PTPRE: variants seen among roughly 807,000 people sequenced by gnomAD.
PTPRE encodes the protein protein tyrosine phosphatase receptor type E.
PTPRE carries 51 observed loss-of-function variants against 102.0 expected under a neutral mutation model. The ratio of observed to expected loss-of-function variants is 0.50; its 90% confidence interval spans 0.40 to 0.63. The LOEUF (loss-of-function observed/expected upper bound fraction) is 0.63, where lower values mean the gene tolerates loss of function less well. Among genes scored for constraint, PTPRE ranks in the 30% least tolerant of loss-of-function variants. The pLI is 0.00. For synonymous variants in PTPRE, 345 were observed against 348.2 expected, an observed-to-expected ratio of 0.99 and a Z score of 0.10; for missense variants, 752 against 915.1, an observed-to-expected ratio of 0.82 and a Z score of 2.30.
At chr10:128,015,151 A>G (rs1845314222) in intron 2 of PTPRE, among the ~76,000 whole-genome samples, 2 of 152,158 alleles carry the variant, frequency 1.3e-5, no homozygotes, top group South Asian at 4.1e-4. Context: ...CCACAAAAAG[A>G]CCTGTACCCA....
Position 128,070,564 on chromosome 10 carries a change from A to G in PTPRE, c.1293+114A>G. The G allele has an allele frequency of 1.4e-6, 2 of 1,385,232 alleles. No homozygotes were observed. Among genetic ancestry groups the G allele is most frequent in the Non-Finnish European group, 1.9e-6 (2 of 1,035,232 alleles). The allele number at this position is 1,385,232 out of a possible 1,614,324, so 85.8% of individuals were successfully genotyped here. Reference sequence around the variant, plus strand: ...AATCACTTGCCCCTTAACTGACCTCAGAAAAAGCAGGGGCAATACCTGAGC... The same window carrying G: ...AATCACTTGCCCCTTAACTGACCTCGGAAAAAGCAGGGGCAATACCTGAGC... On this transcript the variant is annotated intron_variant, in intron 14 of 20. Coordinates refer to ENST00000254667, the MANE Select transcript of PTPRE (RefSeq NM_006504.6). This position sits in a 1 kb window ranked among gnomAD's most constrained non-coding sequence, Gnocchi z 4.8.
chr10:128,028,547 A>G lies in PTPRE; in HGVS notation c.-7-12328A>G, dbSNP rs1302660251. On this transcript the variant is annotated intron_variant, in intron 2 of 20. Coordinates refer to ENST00000254667, the MANE Select transcript of PTPRE (RefSeq NM_006504.6). The surrounding 1 kb of genome is among the most constrained non-coding windows in gnomAD (Gnocchi z 4.5). ...CCTGGCTCAGCCCCCCAATGTGGAC[A>G]GGTTGCAGAAGGCCACTGCCTCGCT... Among the ~76,000 whole-genome samples, 2 of 152,104 alleles carry G rather than the reference A, an allele frequency of 1.3e-5. No individual in the cohort carries two copies. The highest frequency in any genetic ancestry group is 4.8e-5 in the African/African-American group (2 of 41,426).
In PTPRE at chr10:128,061,685, A is replaced by G; in HGVS notation, c.595A>G (p.Lys199Glu). 6.3e-7 allele frequency: 1 copy of G among 1,581,948 alleles called. No individual in the cohort carries two copies. The highest frequency in any genetic ancestry group is 8.6e-7 in the Non-Finnish European group (1 of 1,166,688). Residue 199 changes from lysine to glutamate, a missense_variant, in exon 9 of 21, where the codon AAA becomes GAA. This residue lies in a region of PTPRE where 636 missense variants were observed against 824.4 expected (regional missense o/e 0.77). Coordinates refer to ENST00000254667, the MANE Select transcript of PTPRE (RefSeq NM_006504.6). ...YINASYIDGY[K>E]EKNKFIAAQG... ...CTGATGTTATTTTTTCTAGGGTTACAAAGAGAAGAATAAATTCATAGCAGC... is the reference window on the plus strand; with the variant it reads ...CTGATGTTATTTTTTCTAGGGTTACGAAGAGAAGAATAAATTCATAGCAGC...
chr10:127,943,214 A>G (rs1848375783), intron 1 of PTPRE, among the ~76,000 whole-genome samples: 1 of 152,156 alleles, frequency 6.6e-6, no homozygotes, highest in Non-Finnish European at 1.5e-5. Flanking sequence ...CTTTTCATAA[A>G]TTTGTTTTTC....
chr10:127,986,001 G>A (rs1852057964), intron 2 of PTPRE, among the ~76,000 whole-genome samples: 1 of 152,038 alleles, frequency 6.6e-6, no homozygotes, highest in Non-Finnish European at 1.5e-5. Context: ...TGAGGCATGA[G>A]AATTGCTTAA....
intron 16 of PTPRE, chr10:128,072,415 A>G: frequency 6.1e-6 from 3 of 495,230 alleles, no homozygotes; most frequent in Non-Finnish European, 1.1e-5. Context: ...CACTTTGGGA[A>G]GCTAAGGCGG....
At chr10:128,032,159 G>C (rs1417794320) in intron 2 of PTPRE, among the ~76,000 whole-genome samples, 1 of 152,034 alleles carries the variant, frequency 6.6e-6, no homozygotes, top group African/African-American at 2.4e-5. Flanking sequence ...GGGATTACAG[G>C]CGCCTGCCAC....
In PTPRE at chr10:128,079,011, T is replaced by C. The variant is rs190983486; in HGVS notation, c.1893-549T>C. On this transcript the variant is annotated intron_variant, in intron 19 of 20. Transcript: ENST00000254667. ...TGTGGGGTTTATCAGCAAATGACCA[T>C]GGTAAATGGAGATGACTCAAATCGG... Among the ~76,000 whole-genome samples, 280 of 152,252 alleles carry C rather than the reference T, an allele frequency of 1.8e-3. 2 individuals are homozygous for C. The highest frequency in any genetic ancestry group is 6.3e-3 in the Admixed American group (96 of 15,304).
At chr10:127,991,663 G>A (rs1431607125) in intron 2 of PTPRE, among the ~76,000 whole-genome samples, 1 of 152,138 alleles carries the variant, frequency 6.6e-6, no homozygotes, top group Non-Finnish European at 1.5e-5. Context: ...ATCCATTTGG[G>A]AAGTCGCGTG....
chr10:128,010,680 C>T (rs1844937997), intron 2 of PTPRE, among the ~76,000 whole-genome samples: 1 of 152,002 alleles, frequency 6.6e-6, no homozygotes, highest in African/African-American at 2.4e-5. Context: ...CAAGCTCCGC[C>T]TCCCGGGTTC....
intron 2 of PTPRE, among the ~76,000 whole-genome samples, chr10:128,031,346 C>G (rs1005000596): frequency 2.0e-5 from 3 of 150,388 alleles, no homozygotes; most frequent in African/African-American, 5.0e-5. Context: ...GCGGAGGCTC[C>G]GTGGAGGGGC....
chr10:127,999,649 A>T (rs1853665668), intron 2 of PTPRE: 1 of 984,348 alleles, frequency 1.0e-6, no homozygotes, highest in East Asian at 1.1e-4. Context: ...ATGAACTTAA[A>T]ACAAATTCAC....
chr10:128,003,124 A>G (rs1207602839), intron 2 of PTPRE, among the ~76,000 whole-genome samples: 1 of 152,164 alleles, frequency 6.6e-6, no homozygotes, highest in African/African-American at 2.4e-5. Flanking sequence ...CTGGCTTGTC[A>G]CTTCCTTCCT....
chr10:128,047,950 C>A, intron 5 of PTPRE, 113 bp downstream of exon 5: 1 of 1,049,930 alleles, frequency 9.5e-7, no homozygotes, highest in Non-Finnish European at 1.4e-6. Flanking sequence ...TGTGCCTTGC[C>A]ACTTTCATCT....
At chr10:128,051,123 G>A (rs1848532517) in intron 6 of PTPRE, among the ~76,000 whole-genome samples, 1 of 152,162 alleles carries the variant, frequency 6.6e-6, no homozygotes, top group Non-Finnish European at 1.5e-5. Flanking sequence ...TTTTCAGCTA[G>A]CAGATCCCCT....
At chr10:128,082,705 C>A in intron 20 of PTPRE, 127 bp from the exon 21 acceptor site, 1 of 1,105,800 alleles carries the variant, frequency 9.0e-7, no homozygotes. Flanking sequence ...TTACGATGTG[C>A]ATAAAGGTAT....
rs114427513 is a variant in PTPRE at position 128,018,193 on chromosome 10, G to A, written c.-7-22682G>A. Among the ~76,000 whole-genome samples, 498 of 152,130 alleles carry A rather than the reference G, an allele frequency of 3.3e-3. 1 individual carries two copies. The highest frequency in any genetic ancestry group is 0.011 in the African/African-American group (438 of 41,484). On this transcript the variant is annotated intron_variant, in intron 2 of 20. Coordinates refer to ENST00000254667, the MANE Select transcript of PTPRE (RefSeq NM_006504.6). The stretch of plus-strand genomic sequence containing the variant: ...TGGGAGGTAGGAGCTTTGGGGCGGG[G>A]GGCATGAGAGTGACTTCTGAAACTC...
intron 1 of PTPRE, among the ~76,000 whole-genome samples, chr10:127,970,376 G>A (rs557660388): frequency 1.1e-4 from 17 of 152,260 alleles, no homozygotes; most frequent in Admixed American, 1.0e-3. Context: ...TGCAGAATTC[G>A]TTGGAATCAG....
chr10:127,966,108 C>A (rs1850226946), intron 1 of PTPRE, among the ~76,000 whole-genome samples: 1 of 152,180 alleles, frequency 6.6e-6, no homozygotes, highest in Admixed American at 6.5e-5. Context: ...CTCAGGGCAA[C>A]CCTAAAGAGA....
Sources: allele counts gnomAD v4.1 joint callset (sites outside exome capture counted in the v4.1 genomes callset), GRCh38; gene constraint gnomAD v4.1.1; regional missense constraint gnomAD v4.1.1; non-coding constraint Gnocchi (gnomAD v3.1); transcripts MANE v1.5; gene names NCBI Gene and HGNC (gene_info 2026-07-23, HGNC 2026-07-21).